CCNYL1: variants seen among roughly 807,000 people sequenced by gnomAD.
CCNYL1 encodes the protein cyclin-Y-like protein 1.
In CCNYL1, 16 loss-of-function variants were observed where a neutral mutation model predicts 44.2. The ratio of observed to expected loss-of-function variants is 0.36; its 90% confidence interval spans 0.25 to 0.55. The LOEUF (loss-of-function observed/expected upper bound fraction) is 0.55, where lower values mean the gene tolerates loss of function less well. Among genes scored for constraint, CCNYL1 ranks in the 20% least tolerant of loss-of-function variants. The pLI is 0.85. For synonymous variants in CCNYL1, 159 were observed against 163.2 expected (o/e 0.97, Z 0.20); for missense variants, 348 against 451.8 (o/e 0.77, Z 2.08).
At chr2:207,731,313 A>T (rs1469497697) in intron 3 of CCNYL1, among the ~76,000 whole-genome samples, 1 of 152,130 alleles carries the variant, frequency 6.6e-6, no homozygotes, top group Non-Finnish European at 1.5e-5. Flanking sequence ...TTAAGGTTTC[A>T]GTTGTGACTC....
At chr2:207,733,805 C>A in intron 3 of CCNYL1, 142 bp from the exon 4 acceptor site, 1 of 573,902 alleles carries the variant, frequency 1.7e-6, no homozygotes, top group South Asian at 2.4e-5. Context: ...CATAGAGCTG[C>A]ACATGATACT....
intron 1 of CCNYL1, among the ~76,000 whole-genome samples, chr2:207,716,143 CTT>C (rs779163497): frequency 6.6e-5 from 10 of 152,270 alleles, no homozygotes; most frequent in African/African-American, 2.2e-4. Flanking sequence ...TATTAGTACT[CTT>C]GACTTTTCAT....
chr2:207,722,287 C>T (rs2105821118), intron 1 of CCNYL1, among the ~76,000 whole-genome samples: 1 of 152,044 alleles, frequency 6.6e-6, no homozygotes. Context: ...GTTGGTCAGG[C>T]TGGTCTCGAA....
chr2:207,741,087 C>G (rs2091805894), intron 6 of CCNYL1, among the ~76,000 whole-genome samples: 1 of 151,670 alleles, frequency 6.6e-6, no homozygotes, highest in Non-Finnish European at 1.5e-5. Flanking sequence ...AACCCCGTCT[C>G]TACTAAAAAT....
intron 7 of CCNYL1, among the ~76,000 whole-genome samples, chr2:207,744,565 T>C (rs1217495808): frequency 6.6e-6 from 1 of 151,668 alleles, no homozygotes; most frequent in African/African-American, 2.4e-5. Context: ...AGACCGGGCT[T>C]CGCCATGTTG....
chr2:207,727,724 G>C (rs113211137), intron 3 of CCNYL1, among the ~76,000 whole-genome samples: 2 of 152,048 alleles, frequency 1.3e-5, no homozygotes, highest in African/African-American at 4.8e-5. Flanking sequence ...AAATATAGAC[G>C]GGTTTTTCCT....
intron 1 of CCNYL1, 115 bp downstream of exon 1, chr2:207,712,231 C>T: frequency 1.2e-6 from 1 of 820,802 alleles, no homozygotes; most frequent in Admixed American, 3.1e-5. Flanking sequence ...TAGCCGGCCC[C>T]GGGACGAAGG....
intron 3 of CCNYL1, among the ~76,000 whole-genome samples, chr2:207,728,249 A>C (rs1378413197): frequency 1.3e-5 from 2 of 149,268 alleles, no homozygotes; most frequent in Non-Finnish European, 3.0e-5. Flanking sequence ...GGCATGAGCC[A>C]CTGCACCTGG....
Position 207,751,110 on chromosome 2 carries a change from G to A in CCNYL1, c.960G>A (p.Gln320=), listed in dbSNP as rs765094492. 1 of 1,613,776 alleles carries A rather than the reference G, an allele frequency of 6.2e-7. No individual in the cohort carries two copies. The highest frequency in any genetic ancestry group is 8.5e-7 in the Non-Finnish European group (1 of 1,179,882). The change falls in exon 9 of 10, where the codon CAG becomes CAA. Residue 320 remains glutamine, a synonymous_variant. Transcript: ENST00000295414. ...CTCCTCTTAGCAAAGAAAGAGCACAGAACCTAGAGGTAAGGCTATGAAGTC... is the reference window on the plus strand; with the variant it reads ...CTCCTCTTAGCAAAGAAAGAGCACAAAACCTAGAGGTAAGGCTATGAAGTC... ...LFAPLSKERA[Q]NLEAISRLCE... is the part of the protein sequence containing the mutation.
rs375049657 is a variant in CCNYL1 at position 207,741,031 on chromosome 2, G to A, written c.519+325G>A. Among the ~76,000 whole-genome samples, 48 of 151,914 alleles carry A rather than the reference G, an allele frequency of 3.2e-4. No individual in the cohort carries two copies. In the East Asian group the frequency reaches 4.1e-3, roughly 13 times the overall value. On this transcript the variant is annotated intron_variant, in intron 6 of 9. Transcript: ENST00000295414. ...AGCACTTTGGGAGGCCGAGGCAGGCGGATCACGAGGTCAGGAGATCAAGAC... is the reference window on the plus strand; with the variant it reads ...AGCACTTTGGGAGGCCGAGGCAGGCAGATCACGAGGTCAGGAGATCAAGAC...
rs2091916283 is a variant in CCNYL1 at position 207,754,391 on chromosome 2, A to G, written c.*693A>G. The G allele has an allele frequency of 6.6e-6, 1 of 152,642 alleles. No individual in the cohort carries two copies. The highest frequency in any genetic ancestry group is 2.1e-4 in the South Asian group (1 of 4,834). The allele number at this position is 152,642 out of a possible 1,614,324, so 9.5% of individuals were successfully genotyped here. On this transcript the variant is annotated 3_prime_UTR_variant, in exon 10 of 10. Transcript: ENST00000295414. ...CTACTTCTATTGGAGTCCATGTTGC[A>G]TTTCTTGTGAACTATAAATGGTGCT...
intron 5 of CCNYL1, among the ~76,000 whole-genome samples, chr2:207,740,145 T>G (rs1436139020): frequency 2.6e-5 from 4 of 152,162 alleles, no homozygotes; most frequent in African/African-American, 7.2e-5. Flanking sequence ...GTAAAGATTA[T>G]CAAAGCCTTG....
chr2:207,726,770 AGAT>A, intron 2 of CCNYL1, 69 bp from the exon 3 acceptor site: 1 of 957,020 alleles, frequency 1.0e-6, no homozygotes, highest in Non-Finnish European at 1.6e-6. Flanking sequence ...ATTGTTAATC[AGAT>A]GATTAGCAAC....
Position 207,753,825 on chromosome 2 carries a change from A to G in CCNYL1, c.*127A>G, listed in dbSNP as rs1346428063. On this transcript the variant is annotated 3_prime_UTR_variant, in exon 10 of 10. Transcript: ENST00000295414. Reference sequence around the variant, plus strand: ...CAAAAGGAAAGATCTCAAATTCAAGAGACTCATGGACAACAAGGATTATAC... The same window carrying G: ...CAAAAGGAAAGATCTCAAATTCAAGGGACTCATGGACAACAAGGATTATAC... 1.6e-6 allele frequency: 1 copy of G among 615,482 alleles called. No homozygotes were observed. Among genetic ancestry groups the G allele is most frequent in the Non-Finnish European group, 2.9e-6 (1 of 347,230 alleles). 38.1% of individuals were successfully genotyped at this position (615,482 alleles called of 1,614,324 possible). A position where few individuals can be genotyped will look rare whatever the true frequency, so the allele number is the denominator to read the frequency against.
intron 5 of CCNYL1, among the ~76,000 whole-genome samples, 194 bp from the exon 6 acceptor site, chr2:207,740,461 A>G (rs1313903656): frequency 1.3e-5 from 2 of 152,214 alleles, no homozygotes; most frequent in African/African-American, 2.4e-5. Flanking sequence ...ACAGAACCTC[A>G]TATGCTGAGT....
intron 1 of CCNYL1, among the ~76,000 whole-genome samples, chr2:207,715,941 G>C (rs547409816): frequency 4.1e-4 from 62 of 152,214 alleles, no homozygotes; most frequent in African/African-American, 1.3e-3. Context: ...CTCCCAAAGT[G>C]CTGGGATTAC....
At chr2:207,751,918 C>G (rs1474202436) in intron 9 of CCNYL1, among the ~76,000 whole-genome samples, 1 of 151,482 alleles carries the variant, frequency 6.6e-6, no homozygotes, top group East Asian at 1.9e-4. Context: ...GCCTGTAATC[C>G]CAGCTACTTG....
chr2:207,712,453 C>T (rs781154289), intron 1 of CCNYL1, among the ~76,000 whole-genome samples: 2 of 152,080 alleles, frequency 1.3e-5, no homozygotes, highest in African/African-American at 2.4e-5. Context: ...TATTGTTTTC[C>T]TTTTCTCAAT....
intron 1 of CCNYL1, among the ~76,000 whole-genome samples, chr2:207,716,158 A>C (rs2091592790): frequency 6.6e-6 from 1 of 152,120 alleles, no homozygotes; most frequent in Non-Finnish European, 1.5e-5. Flanking sequence ...CTTTTCATGG[A>C]GCATTTTATG....
Sources: gnomAD v4.1 joint callset for allele counts (sites outside exome capture counted in the v4.1 genomes callset) on GRCh38, gnomAD v4.1.1 for gene constraint, MANE v1.5 for transcripts, NCBI Gene and HGNC (gene_info 2026-07-23, HGNC 2026-07-21) for gene names.